The following PIP5K1C variants were observed in gnomAD, a reference collection of about 807,000 sequenced individuals.
The protein encoded by PIP5K1C is phosphatidylinositol-4-phosphate 5-kinase type 1 gamma.
In PIP5K1C, 45 loss-of-function variants were observed where a neutral mutation model predicts 80.1. That is an observed-to-expected ratio of 0.56 (90% CI 0.44 to 0.72). PIP5K1C has a LOEUF of 0.72. Among genes scored for constraint, PIP5K1C ranks in the 30% least tolerant of loss-of-function variants. PIP5K1C has a pLI of 0.00. For synonymous variants in PIP5K1C, 498 were observed against 420.1 expected, an observed-to-expected ratio of 1.19 and a Z score of -2.27; for missense variants, 753 against 954.6, an observed-to-expected ratio of 0.79 and a Z score of 2.78.
At chr19:3,691,812 C>A (rs532888201) in intron 1 of PIP5K1C, among the ~76,000 whole-genome samples, 11 of 152,264 alleles carry the variant, frequency 7.2e-5, no homozygotes, top group African/African-American at 2.4e-4. Flanking sequence ...TCTGAGAGAT[C>A]GGGGAGCAAA....
Position 3,648,212 on chromosome 19 carries a change from G to T in PIP5K1C, c.1211+413C>A, listed in dbSNP as rs761228317. 1.3e-5 allele frequency among the ~76,000 whole-genome samples: 2 copies of T among 151,794 alleles called. No homozygotes were observed. Among genetic ancestry groups the T allele is most frequent in the African/African-American group, 4.8e-5 (2 of 41,264 alleles). On this transcript the variant is annotated intron_variant, in intron 9 of 17. Transcript: ENST00000335312. This position sits in a 1 kb window ranked among gnomAD's most constrained non-coding sequence, Gnocchi z 4.3. ...TAATTTTTTGATATTTTGTAGAGAT[G>T]GGGTCTTGCTATGTTGCCCAGGCTG... is the stretch of plus-strand genomic sequence containing the variant.
chr19:3,675,404 G>C (rs1282184276), intron 1 of PIP5K1C, among the ~76,000 whole-genome samples: 1 of 152,168 alleles, frequency 6.6e-6, no homozygotes, highest in Non-Finnish European at 1.5e-5. Flanking sequence ...ACTTGGTCAA[G>C]GCTTGACCAG....
At chr19:3,642,973 AAG>A (rs767464575) in intron 13 of PIP5K1C, 34 bp from the exon 14 acceptor site, 31 of 1,612,156 alleles carry the variant, frequency 1.9e-5, no homozygotes, top group South Asian at 8.8e-5. Flanking sequence ...GACACCCAGA[AAG>A]AGAGTGGCCC....
intron 1 of PIP5K1C, 100 bp downstream of exon 1, chr19:3,700,197 C>A (rs1227104976): frequency 1.5e-6 from 1 of 649,002 alleles, no homozygotes; most frequent in South Asian, 6.9e-5. Context: ...GCGGCGCCCC[C>A]GCAGCGACCG....
intron 10 of PIP5K1C, among the ~76,000 whole-genome samples, chr19:3,646,285 A>G (rs1555718431): frequency 6.6e-6 from 1 of 152,174 alleles, no homozygotes; most frequent in Non-Finnish European, 1.5e-5. Flanking sequence ...AGGCTTTTCC[A>G]CTAGAGACCT....
In PIP5K1C at chr19:3,700,393, C is replaced by A; in HGVS notation, c.-3G>T. 8.8e-7 allele frequency: 1 copy of A among 1,142,010 alleles called. No individual in the cohort carries two copies. The highest frequency in any genetic ancestry group is 2.9e-5 in the South Asian group (1 of 34,800). 70.7% of individuals were successfully genotyped at this position (1,142,010 alleles called of 1,614,324 possible). A position where few individuals can be genotyped will look rare whatever the true frequency, so the allele number is the denominator to read the frequency against. On this transcript the variant is annotated 5_prime_UTR_variant, in exon 1 of 18. Coordinates refer to ENST00000335312, the MANE Select transcript of PIP5K1C (RefSeq NM_012398.3). ...TCGTCCGGTACCTCCAGCTCCATGG[C>A]CGCGCGCGGACGGCGGCGGGGGCGC... is the stretch of plus-strand genomic sequence containing the variant.
At position 3,632,718 on chromosome 19, in the gene PIP5K1C, C is replaced by T. The variant is rs1005890361; in HGVS notation, c.*449G>A. ...GACCCCAGCCGTCCCCTCTGCAGGC[C>T]GATGGGGCCCCCGGGGCTCAGGTCC... is the stretch of plus-strand genomic sequence containing the variant. On this transcript the variant is annotated 3_prime_UTR_variant, in exon 18 of 18. Coordinates refer to ENST00000335312, the MANE Select transcript of PIP5K1C (RefSeq NM_012398.3). 20 of 169,486 alleles carry T rather than the reference C, an allele frequency of 1.2e-4. No individual in the cohort carries two copies. The highest frequency in any genetic ancestry group is 2.8e-3 in the Middle Eastern group (1 of 358). 10.5% of individuals were successfully genotyped at this position (169,486 alleles called of 1,614,324 possible). A position where few individuals can be genotyped will look rare whatever the true frequency, so the allele number is the denominator to read the frequency against.
chr19:3,659,792 G>C (rs537704620), intron 5 of PIP5K1C, among the ~76,000 whole-genome samples: 1 of 152,116 alleles, frequency 6.6e-6, no homozygotes. Flanking sequence ...GCGCAGCCTC[G>C]GGCGCTTCCT....
At chr19:3,675,101 G>C (rs546041872) in intron 1 of PIP5K1C, among the ~76,000 whole-genome samples, 1 of 152,332 alleles carries the variant, frequency 6.6e-6, no homozygotes, top group African/African-American at 2.4e-5. Context: ...GAGGGATGGA[G>C]AGTGACAGCC....
chr19:3,679,717 C>T (rs1458463753), intron 1 of PIP5K1C, among the ~76,000 whole-genome samples: 1 of 152,124 alleles, frequency 6.6e-6, no homozygotes, highest in Non-Finnish European at 1.5e-5. Flanking sequence ...GAGTTGGCTA[C>T]CAAGATGGGG....
At position 3,653,309 on chromosome 19, in the gene PIP5K1C, G is replaced by T; in HGVS notation, c.902C>A (p.Thr301Lys). The T allele has an allele frequency of 6.2e-7, 1 of 1,608,998 alleles. No individual in the cohort carries two copies. The change falls in exon 7 of 18, where the codon ACG (threonine) becomes AAG (lysine). Residue 301 changes from threonine (T) to lysine (K), a missense_variant. Around this residue, in one of 6 missense-constraint regions of PIP5K1C, gnomAD observed 105 missense variants for 133.4 expected, o/e 0.79. Coordinates refer to ENST00000335312, the MANE Select transcript of PIP5K1C (RefSeq NM_012398.3). ...DADTFSALVK[T>K]LQRDCLVLES... ...CCTCACCAGGCAGTCCCGCTGCAGCGTCTTGACCAGGGCGCTGAAGGTGTC... is the reference window on the plus strand; with the variant it reads ...CCTCACCAGGCAGTCCCGCTGCAGCTTCTTGACCAGGGCGCTGAAGGTGTC...
chr19:3,699,865 CTG>C (rs2036242442), intron 1 of PIP5K1C, among the ~76,000 whole-genome samples: 1 of 152,192 alleles, frequency 6.6e-6, no homozygotes, highest in African/African-American at 2.4e-5. Context: ...GGGAGGTAAA[CTG>C]AGGCCCAGGA....
chr19:3,686,107 C>A (rs2035751881), intron 1 of PIP5K1C, among the ~76,000 whole-genome samples: 3 of 152,150 alleles, frequency 2.0e-5, no homozygotes, highest in Admixed American at 2.0e-4. Context: ...CCTACCCTGG[C>A]CTCCCGAAGC....
intron 14 of PIP5K1C, 89 bp from the exon 15 acceptor site, chr19:3,641,898 C>T: frequency 2.9e-6 from 3 of 1,037,376 alleles, no homozygotes; most frequent in Admixed American, 1.9e-5. Flanking sequence ...CAGGGCCAGT[C>T]CCAGAGGGGA....
Position 3,656,567 on chromosome 19 carries a change from G to A in PIP5K1C, c.469-10C>T, listed in dbSNP as rs760203770. 5.0e-6 allele frequency: 8 copies of A among 1,613,010 alleles called. No individual in the cohort carries two copies. In the East Asian group the frequency reaches 1.8e-4, roughly 36 times the overall value. Reference sequence around the variant, plus strand: ...CATTGCACAGGGAGTACTGGAAGCAGAGGAGGCGGGTCAGCGGGCCCCAAG... The same window carrying A: ...CATTGCACAGGGAGTACTGGAAGCAAAGGAGGCGGGTCAGCGGGCCCCAAG... On this transcript the variant is annotated splice_polypyrimidine_tract_variant and intron_variant, in intron 5 of 17. Transcript: ENST00000335312.
chr19:3,663,030 A>AT (rs1343034392), intron 3 of PIP5K1C, among the ~76,000 whole-genome samples: 1 of 149,352 alleles, frequency 6.7e-6, no homozygotes, highest in Non-Finnish European at 1.5e-5. Context: ...CCGGCTAATT[A>AT]TTTTTTTGTA....
At position 3,660,952 on chromosome 19, in the gene PIP5K1C, G is replaced by A. The variant is rs751835249; in HGVS notation, c.468+14C>T. On this transcript the variant is annotated intron_variant, in intron 5 of 17. Coordinates refer to ENST00000335312, the MANE Select transcript of PIP5K1C (RefSeq NM_012398.3). Reference sequence around the variant, plus strand: ...GTTTCAAGCCTGGAAGCCCGTAACAGCAAATATGCTTACCAAGTAATCATC... The same window carrying A: ...GTTTCAAGCCTGGAAGCCCGTAACAACAAATATGCTTACCAAGTAATCATC... The A allele has an allele frequency of 6.2e-7, 1 of 1,600,686 alleles. No individual in the cohort carries two copies. The highest frequency in any genetic ancestry group is 1.1e-5 in the South Asian group (1 of 90,822).
chr19:3,681,869 C>A (rs962615877), intron 1 of PIP5K1C, among the ~76,000 whole-genome samples: 1 of 152,080 alleles, frequency 6.6e-6, no homozygotes, highest in African/African-American at 2.4e-5. Context: ...CTTAGCCAAA[C>A]GAGCCCTGGG....
chr19:3,664,429 G>A (rs1470784286), intron 3 of PIP5K1C, among the ~76,000 whole-genome samples: 1 of 152,186 alleles, frequency 6.6e-6, no homozygotes, highest in Non-Finnish European at 1.5e-5. Flanking sequence ...AACAGAGTGG[G>A]GGTCAGGCTT....
Sources: allele counts gnomAD v4.1 joint callset (sites outside exome capture counted in the v4.1 genomes callset), GRCh38; gene constraint gnomAD v4.1.1; regional missense constraint gnomAD v4.1.1; non-coding constraint Gnocchi (gnomAD v3.1); transcripts MANE v1.5; gene names NCBI Gene and HGNC (gene_info 2026-07-23, HGNC 2026-07-21).